Variants in ITGB5 observed in about 807,000 individuals in gnomAD.
The protein encoded by ITGB5 is integrin subunit beta 5.
In ITGB5, 38 loss-of-function variants were observed where a neutral mutation model predicts 84.8. The observed-to-expected ratio is 0.45, with a 90% CI of 0.35 to 0.59. The LOEUF (loss-of-function observed/expected upper bound fraction) is 0.59, where lower values mean the gene tolerates loss of function less well. Among genes scored for constraint, ITGB5 ranks in the 20% least tolerant of loss-of-function variants. The pLI, the probability that ITGB5 is intolerant of heterozygous loss-of-function variation, is 0.01. For missense variants in ITGB5, 905 were observed against 1,034.5 expected (o/e 0.87, Z 1.72); for synonymous variants, 393 against 414.4 (o/e 0.95, Z 0.63).
intron 13 of ITGB5, among the ~76,000 whole-genome samples, chr3:124,765,493 C>T (rs1373020360): frequency 6.6e-6 from 1 of 152,216 alleles, no homozygotes. Context: ...CCCTGGTGGT[C>T]TAGATGCCCT....
At chr3:124,778,468 AG>A (rs1440802860) in intron 10 of ITGB5, among the ~76,000 whole-genome samples, 3 of 152,216 alleles carry the variant, frequency 2.0e-5, no homozygotes, top group African/African-American at 7.2e-5. Context: ...CTGTCAGCCC[AG>A]GAAGACGTGA....
At position 124,873,482 on chromosome 3, in the gene ITGB5, C is replaced by T. The variant is rs766369562; in HGVS notation, c.120G>A (p.Leu40=). The change falls in exon 2 of 15, where the codon CTG becomes CTA. Residue 40 remains leucine, a synonymous_variant. Coordinates refer to ENST00000296181, the MANE Select transcript of ITGB5 (RefSeq NM_002213.5). The part of the protein sequence containing the change: ...SGSATSCEEC[L]LIHPKCAWCS... ...ACCAGGCACATTTTGGGTGGATTAG[C>T]AGACATTCTTCACATGAGGTGGCAC... 20 of 1,613,944 alleles carry T rather than the reference C, an allele frequency of 1.2e-5. No individual in the cohort carries two copies. In the South Asian group the frequency reaches 2.2e-4, roughly 18 times the overall value.
At chr3:124,818,336 C>T (rs2064639025) in intron 7 of ITGB5, among the ~76,000 whole-genome samples, 1 of 152,042 alleles carries the variant, frequency 6.6e-6, no homozygotes, top group Non-Finnish European at 1.5e-5. Flanking sequence ...CCTCTGCCTG[C>T]CTTGGGACTG....
At chr3:124,805,133 T>TTCTCTCTCTCTCTCTCTC (rs113766698) in intron 9 of ITGB5, among the ~76,000 whole-genome samples, 1 of 141,972 alleles carries the variant, frequency 7.0e-6, no homozygotes, top group East Asian at 2.3e-4. Context: ...CTTTCTCCCT[T>TTCTCTCTCTCTCTCTCTC]TCTCTCTCTC....
At chr3:124,823,065 A>G (rs973198325) in intron 5 of ITGB5, among the ~76,000 whole-genome samples, 1 of 152,170 alleles carries the variant, frequency 6.6e-6, no homozygotes, top group African/African-American at 2.4e-5. Context: ...GTTCAAGACC[A>G]GCCTAGGCAA....
At chr3:124,767,967 G>A (rs1174515205) in intron 12 of ITGB5, among the ~76,000 whole-genome samples, 1 of 152,168 alleles carries the variant, frequency 6.6e-6, no homozygotes, top group East Asian at 1.9e-4. Context: ...TACTTGGGAG[G>A]CTGAGGAAAG....
At chr3:124,868,816 T>C (rs1209171352) in intron 2 of ITGB5, among the ~76,000 whole-genome samples, 1 of 150,722 alleles carries the variant, frequency 6.6e-6, no homozygotes, top group Non-Finnish European at 1.5e-5. Flanking sequence ...ATAAATTAAC[T>C]AAATGATTAA....
At chr3:124,840,707 C>T (rs1477531837) in intron 5 of ITGB5, among the ~76,000 whole-genome samples, 1 of 151,820 alleles carries the variant, frequency 6.6e-6, no homozygotes. Context: ...CACTGTCGCC[C>T]AGGCTGGAGT....
At chr3:124,896,745 T>TAAAA (rs1935110327) in intron 1 of ITGB5, among the ~76,000 whole-genome samples, 2 of 32,236 alleles carry the variant, frequency 6.2e-5, no homozygotes, top group Non-Finnish European at 1.3e-4. Flanking sequence ...AGACCTTGTC[T>TAAAA]TAAAAAAAAA....
intron 8 of ITGB5, among the ~76,000 whole-genome samples, chr3:124,814,862 G>C (rs769693810): frequency 9.9e-5 from 15 of 152,268 alleles, no homozygotes; most frequent in Non-Finnish European, 1.9e-4. Flanking sequence ...AAGCGACAGT[G>C]CTAGGTTCCC....
intron 10 of ITGB5, among the ~76,000 whole-genome samples, chr3:124,786,040 C>G (rs529853295): frequency 1.3e-5 from 2 of 152,322 alleles, no homozygotes; most frequent in East Asian, 3.9e-4. Flanking sequence ...AGTTCAGATT[C>G]TGGGCTTCAA....
At chr3:124,889,438 G>A (rs956009411), upstream of ITGB5, among the ~76,000 whole-genome samples, 1 of 152,170 alleles carries the variant, frequency 6.6e-6, no homozygotes, top group Non-Finnish European at 1.5e-5. Context: ...TCCCTAAAAC[G>A]TATAAAAGCA....
chr3:124,800,982 C>T (rs1196975867), intron 9 of ITGB5, among the ~76,000 whole-genome samples: 1 of 152,250 alleles, frequency 6.6e-6, no homozygotes, highest in African/African-American at 2.4e-5. Flanking sequence ...CCCTGTGGAG[C>T]TGACTGGCCT....
chr3:124,773,029 C>T (rs1579174836), intron 11 of ITGB5, among the ~76,000 whole-genome samples: 1 of 151,908 alleles, frequency 6.6e-6, no homozygotes, highest in East Asian at 1.9e-4. Flanking sequence ...CCTCAGCCTC[C>T]GGAGCAGCTG....
chr3:124,766,462 GA>G, intron 12 of ITGB5, 117 bp from the exon 13 acceptor site: 3 of 1,260,710 alleles, frequency 2.4e-6, no homozygotes, highest in Non-Finnish European at 3.3e-6. Flanking sequence ...GGTGTGGGCA[GA>G]AAATCTTAAG....
intron 2 of ITGB5, among the ~76,000 whole-genome samples, chr3:124,871,665 G>T (rs879647436): frequency 2.0e-5 from 3 of 151,772 alleles, no homozygotes; most frequent in Admixed American, 6.6e-5. Context: ...ACCTCTAAAA[G>T]ATATTTTTTC....
chr3:124,861,503 C>T (rs1172531668), intron 2 of ITGB5, among the ~76,000 whole-genome samples: 10 of 128,496 alleles, frequency 7.8e-5, no homozygotes, highest in Admixed American at 2.4e-4. Context: ...TATACACACA[C>T]ACACACACAC....
chr3:124,777,073 G>GC (rs551319715), intron 10 of ITGB5, among the ~76,000 whole-genome samples: 72 of 152,340 alleles, frequency 4.7e-4, no homozygotes, highest in African/African-American at 1.7e-3. Flanking sequence ...CCACAGCCTA[G>GC]CCCAAGGTCA....
rs11715022 is a variant in ITGB5, at chr3:124,852,124, C to T, written c.362-3566G>A. Among the ~76,000 whole-genome samples, 216 of 152,240 alleles carry T rather than the reference C, an allele frequency of 1.4e-3. 2 individuals carry two copies. In the Middle Eastern group the frequency reaches 0.017, roughly 12 times the overall value. ...AAAACACCCGAGACTTTAAGCCAAT[C>T]GCCACCTCCCGCTGCCCGGCAGAGT... is the stretch of plus-strand genomic sequence containing the variant. On this transcript the variant is annotated intron_variant, in intron 3 of 14. Coordinates refer to ENST00000296181, the MANE Select transcript of ITGB5 (RefSeq NM_002213.5).
Sources: gnomAD v4.1 joint callset for allele counts (sites outside exome capture counted in the v4.1 genomes callset) on GRCh38, gnomAD v4.1.1 for gene constraint, MANE v1.5 for transcripts, NCBI Gene and HGNC (gene_info 2026-07-23, HGNC 2026-07-21) for gene names.